The following PEPD variants were observed in gnomAD, a reference collection of about 807,000 sequenced individuals.
PEPD encodes the protein peptidase D, also known as xaa-Pro dipeptidase.
A neutral mutation model predicts 60.7 loss-of-function variants in PEPD; 53 were observed. That is an observed-to-expected ratio of 0.87 (90% CI 0.70 to 1.10). The LOEUF is 1.10. Among genes scored for constraint, PEPD ranks in the 50% least tolerant of loss-of-function variants. The pLI is 0.00. For synonymous variants in PEPD, 267 were observed against 284.1 expected, an observed-to-expected ratio of 0.94 and a Z score of 0.60; for missense variants, 711 against 711.9, an observed-to-expected ratio of 1.00 and a Z score of 0.01.
intron 4 of PEPD, among the ~76,000 whole-genome samples, chr19:33,500,301 C>A (rs549556343): frequency 1.4e-4 from 21 of 152,326 alleles, no homozygotes; most frequent in Non-Finnish European, 2.6e-4. Context: ...ACAGGGGCTC[C>A]CAGCTGTGCT....
intron 2 of PEPD, among the ~76,000 whole-genome samples, chr19:33,511,733 C>T (rs576906263): frequency 2.0e-5 from 3 of 152,278 alleles, no homozygotes; most frequent in African/African-American, 7.2e-5. Context: ...TTTAGGAAAT[C>T]GGTTTTTAAG....
At chr19:33,515,082 G>A (rs1248934260) in intron 1 of PEPD, among the ~76,000 whole-genome samples, 2 of 152,196 alleles carry the variant, frequency 1.3e-5, no homozygotes, top group East Asian at 3.9e-4. Flanking sequence ...TGGAAACACT[G>A]GGAGATGGAG....
intron 6 of PEPD, among the ~76,000 whole-genome samples, chr19:33,484,491 C>A (rs1388505576): frequency 6.6e-6 from 1 of 152,096 alleles, no homozygotes; most frequent in African/African-American, 2.4e-5. Context: ...GAGGCACACA[C>A]GGACACATAC....
At chr19:33,483,084 C>A (rs909328458) in intron 6 of PEPD, among the ~76,000 whole-genome samples, 2 of 151,980 alleles carry the variant, frequency 1.3e-5, no homozygotes, top group Admixed American at 1.3e-4. Context: ...AATGAGAAAT[C>A]AAAAAATATC....
intron 3 of PEPD, among the ~76,000 whole-genome samples, chr19:33,505,721 C>T (rs1043417168): frequency 9.3e-5 from 14 of 151,038 alleles, no homozygotes; most frequent in Admixed American, 1.3e-4. Flanking sequence ...GCACACAACA[C>T]GGCACACTCA....
intron 13 of PEPD, among the ~76,000 whole-genome samples, chr19:33,390,925 G>A (rs1402072712): frequency 6.6e-6 from 1 of 152,314 alleles, no homozygotes; most frequent in East Asian, 1.9e-4. Context: ...TGAAGCCAGA[G>A]GCGGCAGGAC....
At chr19:33,387,764 G>A in intron 14 of PEPD, 126 bp downstream of exon 14, 1 of 860,322 alleles carries the variant, frequency 1.2e-6, no homozygotes, top group Non-Finnish European at 1.9e-6. Context: ...ACCACACGAA[G>A]GGGCAGGCTA....
At chr19:33,401,958 G>T in intron 11 of PEPD, 89 bp from the exon 12 acceptor site, 2 of 1,335,874 alleles carry the variant, frequency 1.5e-6, no homozygotes, top group Non-Finnish European at 2.1e-6. Flanking sequence ...GGACTCGAGG[G>T]CAGCTGGCCC....
At chr19:33,511,400 G>A (rs1970924275) in intron 2 of PEPD, 5 of 496,786 alleles carry the variant, frequency 1.0e-5, no homozygotes. Flanking sequence ...TGTCAGGCAT[G>A]TGCCTGAGTC....
chr19:33,433,787 C>T (rs1467696103), intron 9 of PEPD, among the ~76,000 whole-genome samples: 1 of 152,244 alleles, frequency 6.6e-6, no homozygotes, highest in Non-Finnish European at 1.5e-5. Flanking sequence ...CGGTCTGTAG[C>T]TCTGGAGATG....
intron 4 of PEPD, among the ~76,000 whole-genome samples, chr19:33,496,815 T>C (rs1970614354): frequency 6.6e-6 from 1 of 152,176 alleles, no homozygotes; most frequent in Non-Finnish European, 1.5e-5. Flanking sequence ...TGGGTGTACA[T>C]CCTCCCCTGG....
intron 7 of PEPD, among the ~76,000 whole-genome samples, chr19:33,473,120 G>A (rs1297482730): frequency 4.6e-5 from 7 of 152,106 alleles, no homozygotes; most frequent in Non-Finnish European, 7.4e-5. Context: ...GCCTGGCCAC[G>A]CCTTTCCTTC....
At chr19:33,504,602 A>G (rs1970765719) in intron 3 of PEPD, among the ~76,000 whole-genome samples, 1 of 152,110 alleles carries the variant, frequency 6.6e-6, no homozygotes. Flanking sequence ...TATCTCTACT[A>G]AAAATACAAA....
At chr19:33,458,644 G>A (rs61699726) in intron 9 of PEPD, among the ~76,000 whole-genome samples, 1 of 143,234 alleles carries the variant, frequency 7.0e-6, no homozygotes, top group Non-Finnish European at 1.5e-5. Context: ...CGTGTGTGTT[G>A]TGTGTGGTAT....
intron 3 of PEPD, among the ~76,000 whole-genome samples, chr19:33,509,529 A>G (rs1218183714): frequency 6.6e-6 from 1 of 152,130 alleles, no homozygotes; most frequent in South Asian, 2.1e-4. Context: ...CACTGAAGGG[A>G]GGGTAGCACT....
chr19:33,424,659 G>T (rs1969103015), intron 9 of PEPD, among the ~76,000 whole-genome samples: 1 of 152,168 alleles, frequency 6.6e-6, no homozygotes, highest in African/African-American at 2.4e-5. Context: ...GGACAATCTA[G>T]TGAGACCCGG....
chr19:33,397,138 G>A (rs752384544), intron 12 of PEPD, among the ~76,000 whole-genome samples: 1 of 152,190 alleles, frequency 6.6e-6, no homozygotes, highest in Non-Finnish European at 1.5e-5. Flanking sequence ...CCAGCCGCCA[G>A]GGTAGGGTCT....
At chr19:33,502,892 T>C (rs1190016203) in intron 3 of PEPD, among the ~76,000 whole-genome samples, 2 of 130,274 alleles carry the variant, frequency 1.5e-5, no homozygotes, top group African/African-American at 5.9e-5. Context: ...CAATTCTTTG[T>C]TCAAAATGGC....
chr19:33,392,054 G>C (rs1261949903), intron 12 of PEPD, among the ~76,000 whole-genome samples: 2 of 152,244 alleles, frequency 1.3e-5, no homozygotes, highest in Non-Finnish European at 2.9e-5. Context: ...AGGGAGCAAA[G>C]GTTTCTGGGG....
Sources: allele counts gnomAD v4.1 joint callset (sites outside exome capture counted in the v4.1 genomes callset), GRCh38; gene constraint gnomAD v4.1.1; transcripts MANE v1.5; gene names NCBI Gene and HGNC (gene_info 2026-07-23, HGNC 2026-07-21).